Variants in SMPD4 observed in about 807,000 individuals in gnomAD.
The protein encoded by SMPD4 is sphingomyelin phosphodiesterase 4, also known as neutral sphingomyelinase 3.
A neutral mutation model predicts 97.8 loss-of-function variants in SMPD4; 58 were observed. That is an observed-to-expected ratio of 0.59 (90% CI 0.48 to 0.74). The LOEUF is 0.74. Among genes scored for constraint, SMPD4 ranks in the 30% least tolerant of loss-of-function variants. The probability of loss-of-function intolerance (pLI) is 0.00; values close to 1 mark genes in which losing one functional copy is unlikely to be tolerated. For missense variants in SMPD4, 853 were observed against 1,080.5 expected, an observed-to-expected ratio of 0.79 and a Z score of 2.95; for synonymous variants, 388 against 450.0, an observed-to-expected ratio of 0.86 and a Z score of 1.74.
intron 9 of SMPD4, among the ~76,000 whole-genome samples, chr2:130,165,929 A>G (rs528810967): frequency 6.6e-6 from 1 of 152,290 alleles, no homozygotes; most frequent in Non-Finnish European, 1.5e-5. Context: ...GCACAACAAC[A>G]TGACTGTATT....
At chr2:130,168,203 T>A (rs1688108411) in intron 8 of SMPD4, among the ~76,000 whole-genome samples, 2 of 152,128 alleles carry the variant, frequency 1.3e-5, no homozygotes. Flanking sequence ...CAAGACCCTG[T>A]TTCTAAAAAA....
chr2:130,152,063 C>T lies in SMPD4; in HGVS notation c.*492G>A, dbSNP rs1303336584. ...CAGCCACTCTCTGGTTTTCTCACAA[C>T]TCTAGAAACTTTGATTCTTTCCTGG... On this transcript the variant is annotated 3_prime_UTR_variant, in exon 20 of 20. Coordinates refer to ENST00000680298, the MANE Select transcript of SMPD4 (RefSeq NM_017951.5). 1.3e-5 allele frequency: 2 copies of T among 154,894 alleles called. No homozygotes were observed. Among genetic ancestry groups the T allele is most frequent in the Non-Finnish European group, 2.9e-5 (2 of 69,626 alleles). 9.6% of individuals were successfully genotyped at this position (154,894 alleles called of 1,614,324 possible).
chr2:130,159,437 G>C (rs1248040696), intron 11 of SMPD4: 1 of 151,708 alleles, frequency 6.6e-6, no homozygotes, highest in Non-Finnish European at 1.5e-5. Context: ...TCAGGAGTTT[G>C]AGACCAGCCT....
intron 10 of SMPD4, among the ~76,000 whole-genome samples, chr2:130,162,791 C>T (rs1203265380): frequency 4.6e-5 from 7 of 152,358 alleles, no homozygotes; most frequent in Non-Finnish European, 8.8e-5. Flanking sequence ...GACTCCCACC[C>T]ACCAAGTTTT....
intron 11 of SMPD4, among the ~76,000 whole-genome samples, chr2:130,158,701 A>G (rs1178894024): frequency 6.6e-6 from 1 of 152,104 alleles, no homozygotes; most frequent in Non-Finnish European, 1.5e-5. Context: ...AGGTGGGCGC[A>G]TCGAGAGTAG....
Position 130,152,581 on chromosome 2 carries a change from C to G in SMPD4, c.2458G>C (p.Glu820Gln). 6.5e-7 allele frequency: 1 copy of G among 1,548,446 alleles called. No homozygotes were observed. The highest frequency in any genetic ancestry group is 8.7e-7 in the Non-Finnish European group (1 of 1,145,752). The change falls in exon 20 of 20, where the codon GAG (glutamate) becomes CAG (glutamine). Residue 820 changes from glutamate to glutamine, a missense_variant. By Grantham distance (29) the Glu-to-Gln change is conservative. Coordinates refer to ENST00000680298, the MANE Select transcript of SMPD4 (RefSeq NM_017951.5). ...LYASAMTLLTERGKLHQP is the reference protein window; with the variant it reads ...LYASAMTLLTQRGKLHQP The stretch of plus-strand genomic sequence containing the variant: ...CAGGGCTGGTGCAGCTTCCCCCGCT[C>G]GGTCAGCAGTGTCATGGCAGAGGCG...
intron 11 of SMPD4, 158 bp from the exon 12 acceptor site, chr2:130,157,554 C>A (rs1573673143): frequency 1.4e-6 from 2 of 1,402,110 alleles, no homozygotes; most frequent in East Asian, 2.5e-5. Context: ...TGGGGCACCA[C>A]TGTGCCTGGC....
intron 16 of SMPD4, 22 bp downstream of exon 16, chr2:130,154,250 GAGGAC>G: frequency 6.4e-7 from 1 of 1,559,520 alleles, no homozygotes; most frequent in Non-Finnish European, 8.7e-7. Context: ...CAGGGGCCCT[GAGGAC>G]AGGCACCGCC....
At chr2:130,172,937 C>T (rs780854994) in intron 5 of SMPD4, 42 bp from the exon 6 acceptor site, 31 of 1,578,154 alleles carry the variant, frequency 2.0e-5, no homozygotes, top group Non-Finnish European at 2.5e-5. Context: ...GGTGCTGGTG[C>T]GTAGTGCCCG....
At chr2:130,176,816 T>C (rs1054352712) in intron 1 of SMPD4, among the ~76,000 whole-genome samples, 179 bp from the exon 2 acceptor site, 8 of 152,082 alleles carry the variant, frequency 5.3e-5, no homozygotes, top group Non-Finnish European at 1.0e-4. Context: ...GTCTCCTGAG[T>C]ACAGGCACGT....
At position 130,152,564 on chromosome 2, in the gene SMPD4, G is replaced by A. The variant is rs756557138; in HGVS notation, c.2475C>T (p.His825=). ...MTLLTERGKL[H]QP ...AAGGCAGCTGACACCTTCAGGGCTG[G>A]TGCAGCTTCCCCCGCTCGGTCAGCA... The change falls in exon 20 of 20, where the codon CAC becomes CAT. Residue 825 remains histidine, a synonymous_variant. Coordinates refer to ENST00000680298, the MANE Select transcript of SMPD4 (RefSeq NM_017951.5). 7 of 1,546,726 alleles carry A rather than the reference G, an allele frequency of 4.5e-6. No individual in the cohort carries two copies. Among genetic ancestry groups the A allele is most frequent in the South Asian group, 1.2e-5 (1 of 83,942 alleles).
At position 130,170,438 on chromosome 2, in the gene SMPD4, G is replaced by T. The variant is rs538659043; in HGVS notation, c.659+1911C>A. Among the ~76,000 whole-genome samples the T allele has an allele frequency of 2.8e-4, 31 of 110,372 alleles. No homozygotes were observed. The South Asian group carries it at 9.5e-3, about 34-fold the overall frequency. The allele number at this position is 110,372 out of a possible 152,430, so 72.4% of individuals were successfully genotyped here. A position where few individuals can be genotyped will look rare whatever the true frequency, so the allele number is the denominator to read the frequency against. On this transcript the variant is annotated intron_variant, in intron 8 of 19. Transcript: ENST00000680298. The stretch of plus-strand genomic sequence containing the variant: ...ACAGCGCCACTGCACTCCAGCCTGG[G>T]CAACAGAGTAAGACCCTGTCAAAAA...
chr2:130,155,412 C>T (rs1269210956), intron 14 of SMPD4, among the ~76,000 whole-genome samples, 153 bp from the exon 15 acceptor site: 1 of 152,054 alleles, frequency 6.6e-6, no homozygotes, highest in African/African-American at 2.4e-5. Flanking sequence ...GCTCAGGGGG[C>T]CACGGGCAGG....
At chr2:130,158,848 C>T (rs1181032308) in intron 11 of SMPD4, among the ~76,000 whole-genome samples, 1 of 152,170 alleles carries the variant, frequency 6.6e-6, no homozygotes, top group African/African-American at 2.4e-5. Context: ...GCCCAGCCTC[C>T]AGGTATATCC....
rs1220482518 is a variant in SMPD4, at chr2:130,154,426, A to T, written c.1510T>A (p.Phe504Ile). The T allele has an allele frequency of 6.3e-7, 1 of 1,583,146 alleles. No homozygotes were observed. Among genetic ancestry groups the T allele is most frequent in the Admixed American group, 1.8e-5 (1 of 56,374 alleles). The change falls in exon 16 of 20, where the codon TTC (phenylalanine) becomes ATC (isoleucine). Residue 504 changes from phenylalanine (F) to isoleucine (I), a missense_variant. Transcript: ENST00000680298. ...CTCCCAGTGAATGTGGGGGCCGTGA[A>T]GAGTCGGTGCTGGCGGTGGGGGATG... ...LVIPHRQHRL[F>I]TAPTFTGSFL...
chr2:130,157,895 C>T lies in SMPD4; in HGVS notation c.952-499G>A, dbSNP rs185820897. 3.1e-3 allele frequency: 637 copies of T among 204,578 alleles called. 2 individuals are homozygous for T. The highest frequency in any genetic ancestry group is 5.0e-3 in the Admixed American group (94 of 18,902). The allele number at this position is 204,578 out of a possible 1,614,324, so 12.7% of individuals were successfully genotyped here. The stretch of plus-strand genomic sequence containing the variant: ...GTGCCTCAGACCTGTAATTCCAGCA[C>T]TTTGGGAGGCCAAGGTGGAAAGATC... On this transcript the variant is annotated intron_variant, in intron 11 of 19. Coordinates refer to ENST00000680298, the MANE Select transcript of SMPD4 (RefSeq NM_017951.5).
chr2:130,173,543 G>C lies in SMPD4; in HGVS notation c.240C>G (p.Tyr80Ter). ...GGTCGAGAAATTCCATCACGATGCT[G>C]TACTCCACAGGATTCACGCGCCCCT... ...CLQGRVNPVE[Y>*]SIVMEFLDPG... The change falls in exon 4 of 20, where the codon TAC becomes TAG. Residue 80 changes from tyrosine (Y) to a stop codon, truncating the protein, a stop_gained. Coordinates refer to ENST00000680298, the MANE Select transcript of SMPD4 (RefSeq NM_017951.5). LOFTEE classifies it high-confidence loss of function. 6.2e-7 allele frequency: 1 copy of C among 1,611,726 alleles called. No individual in the cohort carries two copies. Among genetic ancestry groups the C allele is most frequent in the Non-Finnish European group, 8.5e-7 (1 of 1,178,584 alleles).
Position 130,173,294 on chromosome 2 carries a change from A to G in SMPD4, c.330T>C (p.Pro110=), listed in dbSNP as rs748759464. The G allele has an allele frequency of 1.2e-6, 2 of 1,613,816 alleles. No homozygotes were observed. The highest frequency in any genetic ancestry group is 2.2e-5 in the East Asian group (1 of 44,854). Residue 110 remains proline (P), a synonymous_variant, in exon 5 of 20, where the codon CCT becomes CCC. Coordinates refer to ENST00000680298, the MANE Select transcript of SMPD4 (RefSeq NM_017951.5). ...GTTTACTTACAGGCAAGTAGGAGAC[A>G]GGAAAGTCGAACTTATAGTCTTCAG... ...LQAEDYKFDF[P]VSYLPGPVKA...
intron 11 of SMPD4, 27 bp downstream of exon 11, chr2:130,161,159 G>A: frequency 6.2e-7 from 1 of 1,609,198 alleles, no homozygotes; most frequent in Non-Finnish European, 8.5e-7. Context: ...ACTCTGGGCA[G>A]GAGGAAGGGA....
Sources: allele counts gnomAD v4.1 joint callset (sites outside exome capture counted in the v4.1 genomes callset), GRCh38; gene constraint gnomAD v4.1.1; transcripts MANE v1.5; gene names NCBI Gene and HGNC (gene_info 2026-07-23, HGNC 2026-07-21).